The following ARHGAP5 variants were observed in gnomAD, a reference collection of about 807,000 sequenced individuals.
ARHGAP5 encodes Rho GTPase activating protein 5, also known as rho GTPase-activating protein 5.
Under a neutral mutation model 116.6 loss-of-function variants are expected in ARHGAP5, and 23 were observed. The ratio of observed to expected loss-of-function variants is 0.20; its 90% CI spans 0.14 to 0.28. The LOEUF (loss-of-function observed/expected upper bound fraction) is 0.28, where lower values mean the gene tolerates loss of function less well. Among genes scored for constraint, ARHGAP5 ranks in the 10% least tolerant of loss-of-function variants. The pLI, the probability that ARHGAP5 is intolerant of heterozygous loss-of-function variation, is 1.00. For missense variants in ARHGAP5, 1,405 were observed against 1,774.8 expected (o/e 0.79, Z 3.74); for synonymous variants, 574 against 602.0 (o/e 0.95, Z 0.68).
intron 3 of ARHGAP5, among the ~76,000 whole-genome samples, chr14:32,121,086 C>T (rs1367637868): frequency 2.3e-5 from 3 of 128,874 alleles, no homozygotes; most frequent in Admixed American, 9.8e-5. Context: ...GGTGTAACTT[C>T]AGCTAGTTGC....
At chr14:32,086,131 A>G (rs1432583706) in intron 1 of ARHGAP5, among the ~76,000 whole-genome samples, 1 of 152,172 alleles carries the variant, frequency 6.6e-6, no homozygotes, top group East Asian at 1.9e-4. Context: ...TTAGGAAGGT[A>G]AAGAGTTAGC....
At chr14:32,135,073 C>T (rs186907459) in intron 3 of ARHGAP5, among the ~76,000 whole-genome samples, 1 of 152,304 alleles carries the variant, frequency 6.6e-6, no homozygotes, top group East Asian at 1.9e-4. Context: ...GTCTTAACAT[C>T]TGTTTTACAG....
intron 2 of ARHGAP5, among the ~76,000 whole-genome samples, chr14:32,096,061 A>G (rs984691369): frequency 2.1e-4 from 32 of 152,010 alleles, no homozygotes; most frequent in African/African-American, 4.8e-4. Flanking sequence ...ATATTTGCCA[A>G]TTATCTACAT....
chr14:32,134,480 CAGCTTTTT>C (rs1218754497), intron 3 of ARHGAP5, among the ~76,000 whole-genome samples: 1 of 152,184 alleles, frequency 6.6e-6, no homozygotes, highest in African/African-American at 2.4e-5. Context: ...TCATCCCTAT[CAGCTTTTT>C]AGCATGTGAA....
intron 2 of ARHGAP5, among the ~76,000 whole-genome samples, chr14:32,109,903 C>T (rs957329161): frequency 3.3e-5 from 5 of 151,836 alleles, no homozygotes; most frequent in African/African-American, 1.2e-4. Context: ...TTTTTTTCCC[C>T]CCACTGTTGG....
Position 32,077,442 on chromosome 14 carries a change from C to T in ARHGAP5, c.-169+7C>T, listed in dbSNP as rs956293669. 5 of 701,504 alleles carry T rather than the reference C, an allele frequency of 7.1e-6. No homozygotes were observed. The highest frequency in any genetic ancestry group is 1.3e-5 in the Non-Finnish European group (5 of 384,826). 43.5% of individuals were successfully genotyped at this position (701,504 alleles called of 1,614,324 possible). A position where few individuals can be genotyped will look rare whatever the true frequency, so the allele number is the denominator to read the frequency against. The stretch of plus-strand genomic sequence containing the variant: ...AGGAGACCGACGTTGTTAGGTAGGA[C>T]CTTGCGGACCCCGCTCCTCCAAGCC... On this transcript the variant is annotated splice_region_variant and intron_variant, in intron 1 of 6. Transcript: ENST00000345122.
At chr14:32,094,753 A>G (rs1345376277) in intron 2 of ARHGAP5, among the ~76,000 whole-genome samples, 1 of 152,128 alleles carries the variant, frequency 6.6e-6, no homozygotes, top group Non-Finnish European at 1.5e-5. Context: ...TGTCTCACTC[A>G]AGGATATTAA....
chr14:32,135,973 A>G (rs955403475), intron 3 of ARHGAP5, among the ~76,000 whole-genome samples: 10 of 152,206 alleles, frequency 6.6e-5, no homozygotes, highest in Admixed American at 2.0e-4. Flanking sequence ...AATGATTTTT[A>G]CCATTTACTC....
At chr14:32,089,224 T>G (rs1444294847) in intron 1 of ARHGAP5, among the ~76,000 whole-genome samples, 1 of 151,996 alleles carries the variant, frequency 6.6e-6, no homozygotes, top group Non-Finnish European at 1.5e-5. Flanking sequence ...CATTAGTTAG[T>G]GTAACATATG....
Position 32,105,686 on chromosome 14 carries a change from TTG to T in ARHGAP5, c.3717+11306_3717+11307del, listed in dbSNP as rs1878984966. 3.3e-5 allele frequency among the ~76,000 whole-genome samples: 5 copies of T among 152,326 alleles called. No homozygotes were observed. The South Asian group carries it at 1.0e-3, about 32-fold the overall frequency. ...TTTGCAGTTTTTCATGTGTATAGGT[TTG>T]TGTGTCCCTCCCATAGTCAAGATGT... On this transcript the variant is annotated intron_variant, in intron 2 of 6. Transcript: ENST00000345122.
intron 3 of ARHGAP5, among the ~76,000 whole-genome samples, chr14:32,122,026 G>T (rs1250532295): frequency 6.6e-6 from 1 of 152,124 alleles, no homozygotes; most frequent in East Asian, 1.9e-4. Context: ...TTTGTGTGTG[G>T]ACATATGTTT....
intron 4 of ARHGAP5, 65 bp from the exon 5 acceptor site, chr14:32,149,837 C>A: frequency 2.1e-6 from 2 of 948,408 alleles, no homozygotes; most frequent in South Asian, 5.7e-5. Context: ...TAAAAGTAAC[C>A]ATTTAGCTTG....
At chr14:32,153,475 G>GT (rs760319450) in intron 6 of ARHGAP5, among the ~76,000 whole-genome samples, 1,181 of 95,558 alleles carry the variant, frequency 0.012, 32 homozygotes, top group African/African-American at 0.025. Context: ...TAGCAGCCAG[G>GT]TTTTTTTTTT....
At chr14:32,147,726 A>C (rs1002405992) in intron 4 of ARHGAP5, among the ~76,000 whole-genome samples, 2 of 152,236 alleles carry the variant, frequency 1.3e-5, no homozygotes, top group African/African-American at 4.8e-5. Flanking sequence ...CCAAGAAGCC[A>C]TGTAAAATAA....
In ARHGAP5 at chr14:32,077,379, C is replaced by A; in HGVS notation, c.-225C>A. 1 of 700,166 alleles carries A rather than the reference C, an allele frequency of 1.4e-6. No individual in the cohort carries two copies. Among genetic ancestry groups the A allele is most frequent in the South Asian group, 1.5e-5 (1 of 67,400 alleles). The allele number at this position is 700,166 out of a possible 1,614,324, so 43.4% of individuals were successfully genotyped here. A position where few individuals can be genotyped will look rare whatever the true frequency, so the allele number is the denominator to read the frequency against. On this transcript the variant is annotated 5_prime_UTR_variant, in exon 1 of 7. Coordinates refer to ENST00000345122, the MANE Select transcript of ARHGAP5 (RefSeq NM_001030055.2). ...CGGTCCCCAGGAATGTCGCTGCCGCCGCCACCGCCGGGGCCGCTGCCGTTG... is the reference window on the plus strand; with the variant it reads ...CGGTCCCCAGGAATGTCGCTGCCGCAGCCACCGCCGGGGCCGCTGCCGTTG...
At chr14:32,125,084 T>C (rs939045639) in intron 3 of ARHGAP5, among the ~76,000 whole-genome samples, 1 of 152,202 alleles carries the variant, frequency 6.6e-6, no homozygotes, top group African/African-American at 2.4e-5. Flanking sequence ...TTCACAGTGT[T>C]GGATAACCAC....
At chr14:32,107,268 TTGA>T (rs1476810586) in intron 2 of ARHGAP5, among the ~76,000 whole-genome samples, 4 of 152,202 alleles carry the variant, frequency 2.6e-5, no homozygotes, top group Non-Finnish European at 4.4e-5. Flanking sequence ...TTCCTGTAAC[TTGA>T]TGATGTGAGT....
rs148226075 is a variant in ARHGAP5, at chr14:32,092,629, A to G, written c.1960A>G (p.Lys654Glu). The change falls in exon 2 of 7, where the codon AAA becomes GAA. Residue 654 changes from lysine to glutamate, a missense_variant. Lys to Glu is a moderately conservative substitution (Grantham distance 56, BLOSUM62 1). Coordinates refer to ENST00000345122, the MANE Select transcript of ARHGAP5 (RefSeq NM_001030055.2). This position sits in a 1 kb window ranked among gnomAD's most constrained non-coding sequence, Gnocchi z 4.1. Reference sequence around the variant, plus strand: ...GAGTCAGTTATGGACTGCCGCCTTTAAACCACATGGGTGCTTCTGTGTATT... The same window carrying G: ...GAGTCAGTTATGGACTGCCGCCTTTGAACCACATGGGTGCTTCTGTGTATT... ...FLSQLWTAAF[K>E]PHGCFCVFNS... 6.8e-6 allele frequency: 11 copies of G among 1,613,840 alleles called. No homozygotes were observed. The African/African-American group carries it at 1.5e-4, about 22-fold the overall frequency.
chr14:32,113,797 T>C (rs1594364248), intron 2 of ARHGAP5, among the ~76,000 whole-genome samples: 1 of 152,164 alleles, frequency 6.6e-6, no homozygotes, highest in East Asian at 1.9e-4. Context: ...AGTTAAGAGG[T>C]GATTGGAACA....
Sources: allele counts gnomAD v4.1 joint callset (sites outside exome capture counted in the v4.1 genomes callset), GRCh38; gene constraint gnomAD v4.1.1; non-coding constraint Gnocchi (gnomAD v3.1); transcripts MANE v1.5; gene names NCBI Gene and HGNC (gene_info 2026-07-23, HGNC 2026-07-21).